Variants in FSTL3 observed in about 807,000 individuals in gnomAD.
The protein encoded by FSTL3 is follistatin-related protein 3.
In FSTL3, 21 loss-of-function variants were observed where a neutral mutation model predicts 28.1. The ratio of observed to expected loss-of-function variants is 0.75; its 90% CI spans 0.53 to 1.08. The LOEUF is 1.08. Ranked by LOEUF, FSTL3 falls within the 50% of genes least tolerant of loss-of-function variation. The pLI is 0.00. For synonymous variants in FSTL3, 199 were observed against 164.2 expected, an observed-to-expected ratio of 1.21 and a Z score of -1.62; for missense variants, 400 against 380.9, an observed-to-expected ratio of 1.05 and a Z score of -0.42.
intron 2 of FSTL3, chr19:679,907 G>T (rs550271937): frequency 1.0e-4 from 17 of 166,920 alleles, no homozygotes; most frequent in Middle Eastern, 4.9e-3. Flanking sequence ...GGCCTTCCCA[G>T]AAGAGCGCGT....
chr19:676,558 C>T, intron 1 of FSTL3, 32 bp downstream of exon 1: 2 of 421,000 alleles, frequency 4.8e-6, no homozygotes, highest in Non-Finnish European at 6.6e-6. Context: ...GCGGGCGGGG[C>T]GGGCCACCCA....
Position 682,882 on chromosome 19 carries a change from A to G in FSTL3, c.*1174A>G, listed in dbSNP as rs370642630. 136 of 232,600 alleles carry G rather than the reference A, an allele frequency of 5.8e-4. No individual in the cohort carries two copies. Among genetic ancestry groups the G allele is most frequent in the African/African-American group, 2.9e-3 (131 of 45,374 alleles). 14.4% of individuals were successfully genotyped at this position (232,600 alleles called of 1,614,324 possible). A position where few individuals can be genotyped will look rare whatever the true frequency, so the allele number is the denominator to read the frequency against. On this transcript the variant is annotated 3_prime_UTR_variant, in exon 5 of 5. Transcript: ENST00000166139. ...AGACTCACGCATGTGTGACATCCGG[A>G]GTCCTGGAGCCGGGTGTCCCAGTGG...
At chr19:680,532 C>T (rs1212433752) in intron 3 of FSTL3, 43 bp downstream of exon 3, 1 of 1,130,102 alleles carries the variant, frequency 8.8e-7, no homozygotes, top group Non-Finnish European at 1.1e-6. Flanking sequence ...GCGGGACCTA[C>T]CGGACCTGCG....
chr19:681,148 A>G (rs1659909948), intron 3 of FSTL3, among the ~76,000 whole-genome samples, 185 bp from the exon 4 acceptor site: 1 of 82,154 alleles, frequency 1.2e-5, no homozygotes, highest in Admixed American at 1.8e-4. Context: ...TGGGAAGGGC[A>G]GGGCTTGTGG....
intron 1 of FSTL3, among the ~76,000 whole-genome samples, 197 bp downstream of exon 1, chr19:676,723 G>A (rs889516889): frequency 4.6e-5 from 7 of 152,270 alleles, no homozygotes; most frequent in East Asian, 3.9e-4. Flanking sequence ...CACAATGACC[G>A]CTGACATTTA....
chr19:677,668 T>G, intron 1 of FSTL3, 124 bp from the exon 2 acceptor site: 1 of 974,692 alleles, frequency 1.0e-6, no homozygotes. Flanking sequence ...CTGCCCCTTC[T>G]TCCTGGGTGG....
chr19:681,419 G>A lies in FSTL3; in HGVS notation c.592G>A (p.Ala198Thr). The change falls in exon 4 of 5, where the codon GCG becomes ACG. Residue 198 changes from alanine to threonine, a missense_variant. Coordinates refer to ENST00000166139, the MANE Select transcript of FSTL3 (RefSeq NM_005860.3). ...GSAHCVVCRA[A>T]PCPVPSSPGQ... ...CGCCCACTGCGTGGTGTGTCGAGCG[G>A]CGCCCTGCCCTGTGCCCTCCAGCCC... 6.3e-7 allele frequency: 1 copy of A among 1,596,942 alleles called. No individual in the cohort carries two copies. The highest frequency in any genetic ancestry group is 1.1e-5 in the South Asian group (1 of 90,632).
At chr19:678,591 A>G (rs1390113255) in intron 2 of FSTL3, among the ~76,000 whole-genome samples, 2 of 144,548 alleles carry the variant, frequency 1.4e-5, no homozygotes, top group African/African-American at 5.2e-5. Context: ...GCTCACTGCA[A>G]CTTCGGCCTC....
intron 2 of FSTL3, among the ~76,000 whole-genome samples, chr19:678,329 G>A (rs955638839): frequency 2.6e-5 from 4 of 152,146 alleles, no homozygotes; most frequent in Non-Finnish European, 4.4e-5. Context: ...CCACACCAGG[G>A]ACCTTCACTG....
At position 680,322 on chromosome 19, in the gene FSTL3, TG is replaced by T. The variant is rs1181022729; in HGVS notation, c.344del (p.Gly115AlafsTer45). ...GGCCCGGGCAAGGCGTGCCGCATGC[TG>T]GGGGGCCGCCCGCGCTGCGAGTGCG... ...ECGPGKACRM[L>X]GGRPRCECAP... On this transcript the variant is annotated frameshift_variant, in exon 3 of 5. Coordinates refer to ENST00000166139, the MANE Select transcript of FSTL3 (RefSeq NM_005860.3). LOFTEE classifies it high-confidence loss of function. 1.4e-5 allele frequency: 18 copies of T among 1,282,346 alleles called. No individual in the cohort carries two copies. Among genetic ancestry groups the T allele is most frequent in the South Asian group, 9.9e-5 (4 of 40,304 alleles). The allele number at this position is 1,282,346 out of a possible 1,614,324, so 79.4% of individuals were successfully genotyped here.
In FSTL3 at chr19:680,308, G is replaced by T; in HGVS notation, c.324G>T (p.Lys108Asn). 7.7e-7 allele frequency: 1 copy of T among 1,294,128 alleles called. No homozygotes were observed. 80.2% of individuals were successfully genotyped at this position (1,294,128 alleles called of 1,614,324 possible). ...SCDGVECGPG[K>N]ACRMLGGRPR... ...ACGGCGTGGAGTGCGGCCCGGGCAA[G>T]GCGTGCCGCATGCTGGGGGGCCGCC... Residue 108 changes from lysine to asparagine, a missense_variant, in exon 3 of 5, where the codon AAG (lysine) becomes AAT (asparagine). Transcript: ENST00000166139.
Position 683,340 on chromosome 19 carries a change from C to T in FSTL3, c.*1632C>T, listed in dbSNP as rs1252037655. On this transcript the variant is annotated 3_prime_UTR_variant, in exon 5 of 5. Coordinates refer to ENST00000166139, the MANE Select transcript of FSTL3 (RefSeq NM_005860.3). ...TCTACAGGAGCCTCAGCCAGGCAGCCCACCCCACCCTGGGGCCCTGCCTCA... is the reference window on the plus strand; with the variant it reads ...TCTACAGGAGCCTCAGCCAGGCAGCTCACCCCACCCTGGGGCCCTGCCTCA... 4.5e-6 allele frequency: 1 copy of T among 222,806 alleles called. No homozygotes were observed. The highest frequency in any genetic ancestry group is 9.0e-6 in the Non-Finnish European group (1 of 111,682). 13.8% of individuals were successfully genotyped at this position (222,806 alleles called of 1,614,324 possible).
At chr19:676,579 C>T (rs2031213489) in intron 1 of FSTL3, 53 bp downstream of exon 1, 2 of 583,798 alleles carry the variant, frequency 3.4e-6, no homozygotes, top group Non-Finnish European at 4.7e-6. Flanking sequence ...CGTGGGGCTG[C>T]GCGGAATGCG....
rs139917094 is a variant in FSTL3, at chr19:681,803, C to T, written c.*95C>T. The stretch of plus-strand genomic sequence containing the variant: ...GAGTCTAATTTATATGCCACGGACA[C>T]TCCTTAGAGCCCGGATTCGGACCAC... On this transcript the variant is annotated 3_prime_UTR_variant, in exon 5 of 5. Transcript: ENST00000166139. 8 of 1,091,906 alleles carry T rather than the reference C, an allele frequency of 7.3e-6. No homozygotes were observed. In the South Asian group the frequency reaches 9.4e-5, roughly 13 times the overall value. 67.6% of individuals were successfully genotyped at this position (1,091,906 alleles called of 1,614,324 possible). A position where few individuals can be genotyped will look rare whatever the true frequency, so the allele number is the denominator to read the frequency against.
rs141034844 is a variant in FSTL3, at chr19:681,693, A to C, written c.777A>C (p.Glu259Asp). ...CAGGTGGTGAGTCTGCAGAAGAGGA[A>C]GAGAACTTCGTGTGAGCCTGCAGGA... Reference protein sequence around the residue: ...EPPGGESAEEEENFV With the variant: ...EPPGGESAEEDENFV The change falls in exon 5 of 5, where the codon GAA becomes GAC. Residue 259 changes from glutamate (E) to aspartate (D), a missense_variant. By Grantham distance (45) the Glu-to-Asp change is conservative (BLOSUM62 2). Coordinates refer to ENST00000166139, the MANE Select transcript of FSTL3 (RefSeq NM_005860.3). 21 of 1,562,652 alleles carry C rather than the reference A, an allele frequency of 1.3e-5. No individual in the cohort carries two copies. The East Asian group carries it at 4.5e-4, about 34-fold the overall frequency.
chr19:681,780 GTC>G lies in FSTL3; in HGVS notation c.*74_*75del. On this transcript the variant is annotated 3_prime_UTR_variant, in exon 5 of 5. Transcript: ENST00000166139. ...CCCTGTTATTTATTGCCACAGCAGAGTCTAATTTATATGCCACGGACACTCCT... is the reference window on the plus strand; with the variant it reads ...CCCTGTTATTTATTGCCACAGCAGAGTAATTTATATGCCACGGACACTCCT... The G allele has an allele frequency of 7.6e-7, 1 of 1,322,892 alleles. No homozygotes were observed. Among genetic ancestry groups the G allele is most frequent in the South Asian group, 1.3e-5 (1 of 79,372 alleles). 81.9% of individuals were successfully genotyped at this position (1,322,892 alleles called of 1,614,324 possible). A position where few individuals can be genotyped will look rare whatever the true frequency, so the allele number is the denominator to read the frequency against.
Position 682,410 on chromosome 19 carries a change from C to G in FSTL3, c.*702C>G, listed in dbSNP as rs1326677253. 1 of 238,518 alleles carries G rather than the reference C, an allele frequency of 4.2e-6. No individual in the cohort carries two copies. Among genetic ancestry groups the G allele is most frequent in the Non-Finnish European group, 8.2e-6 (1 of 121,250 alleles). The allele number at this position is 238,518 out of a possible 1,614,324, so 14.8% of individuals were successfully genotyped here. A position where few individuals can be genotyped will look rare whatever the true frequency, so the allele number is the denominator to read the frequency against. ...CCTGGGTGAGTATGGAGGGTCTAGC[C>G]TGGGTGTGTACGGAGGGTCTAGTCT... On this transcript the variant is annotated 3_prime_UTR_variant, in exon 5 of 5. Transcript: ENST00000166139.
chr19:681,730 C>G lies in FSTL3; in HGVS notation c.*22C>G. 1 of 1,546,702 alleles carries G rather than the reference C, an allele frequency of 6.5e-7. No homozygotes were observed. The highest frequency in any genetic ancestry group is 2.4e-5 in the East Asian group (1 of 41,130). Reference sequence around the variant, plus strand: ...GTGAGCCTGCAGGACAGGCCTGGGCCTGGTGCCCGAGGCCCCCCATCATCC... The same window carrying G: ...GTGAGCCTGCAGGACAGGCCTGGGCGTGGTGCCCGAGGCCCCCCATCATCC... On this transcript the variant is annotated 3_prime_UTR_variant, in exon 5 of 5. Transcript: ENST00000166139.
chr19:678,130 G>A (rs2031250383), intron 2 of FSTL3, 153 bp downstream of exon 2: 2 of 700,234 alleles, frequency 2.9e-6, no homozygotes, highest in Middle Eastern at 3.0e-4. Flanking sequence ...GAGGGACTGG[G>A]GGGACTTCCC....
Sources: allele counts gnomAD v4.1 joint callset (sites outside exome capture counted in the v4.1 genomes callset), GRCh38; gene constraint gnomAD v4.1.1; transcripts MANE v1.5; gene names NCBI Gene and HGNC (gene_info 2026-07-23, HGNC 2026-07-21).